RBMS3: variants seen among roughly 807,000 people sequenced by gnomAD.
RBMS3 encodes RNA-binding motif, single-stranded-interacting protein 3.
Under a neutral mutation model 66.8 loss-of-function variants are expected in RBMS3, and 27 were observed. The observed-to-expected ratio is 0.40, with a 90% CI of 0.30 to 0.56. RBMS3 has a LOEUF of 0.56. Among genes scored for constraint, RBMS3 ranks in the 20% least tolerant of loss-of-function variants. RBMS3 has a pLI of 0.40. For synonymous variants in RBMS3, 188 were observed against 183.0 expected, an observed-to-expected ratio of 1.03 and a Z score of -0.22; for missense variants, 513 against 549.5, an observed-to-expected ratio of 0.93 and a Z score of 0.66.
At chr3:29,909,965 G>T (rs1005685208) in intron 10 of RBMS3, among the ~76,000 whole-genome samples, 4 of 152,044 alleles carry the variant, frequency 2.6e-5, no homozygotes, top group Non-Finnish European at 5.9e-5. Flanking sequence ...AATCATACAT[G>T]ATCTCCAGTG....
intron 6 of RBMS3, among the ~76,000 whole-genome samples, chr3:29,836,799 A>T (rs186580355): frequency 4.6e-5 from 7 of 151,474 alleles, no homozygotes; most frequent in African/African-American, 1.5e-4. Context: ...ATATATATAT[A>T]TATCTGAAAA....
intron 1 of RBMS3, among the ~76,000 whole-genome samples, chr3:29,293,066 C>G (rs1247170339): frequency 1.3e-5 from 2 of 151,748 alleles, no homozygotes; most frequent in African/African-American, 4.8e-5. Context: ...CCAGCATTTG[C>G]TTTTGTTGTT....
At chr3:29,455,278 G>A (rs928700094) in intron 2 of RBMS3, among the ~76,000 whole-genome samples, 1 of 152,144 alleles carries the variant, frequency 6.6e-6, no homozygotes, top group Non-Finnish European at 1.5e-5. Context: ...AGCAGGAATT[G>A]TCTTATCCTT....
chr3:29,546,995 G>A (rs1220252486), intron 3 of RBMS3, among the ~76,000 whole-genome samples: 1 of 151,988 alleles, frequency 6.6e-6, no homozygotes, highest in Non-Finnish European at 1.5e-5. Flanking sequence ...GTATTTTTTA[G>A]AGACAGGGTC....
At chr3:29,393,817 A>G (rs1162332181) in intron 1 of RBMS3, among the ~76,000 whole-genome samples, 1 of 152,052 alleles carries the variant, frequency 6.6e-6, no homozygotes, top group Non-Finnish European at 1.5e-5. Flanking sequence ...GCAAGTTTTT[A>G]TTAGGGATTT....
rs1213359743 is a variant in RBMS3 at position 29,686,395 on chromosome 3, A to G, written c.400-53325A>G. Among the ~76,000 whole-genome samples, 5 of 152,218 alleles carry G rather than the reference A, an allele frequency of 3.3e-5. No individual in the cohort carries two copies. The East Asian group carries it at 9.6e-4, about 29-fold the overall frequency. On this transcript the variant is annotated intron_variant, in intron 4 of 14. Coordinates refer to ENST00000383767, the MANE Select transcript of RBMS3 (RefSeq NM_001003793.3). ...ATGGACAGTTCTGATATTTTAAACA[A>G]AAAATAGGCCGGGCATGGTGGCTCA... is the stretch of plus-strand genomic sequence containing the variant.
rs1269589203 is a variant in RBMS3 at position 29,328,457 on chromosome 3, C to T, written c.75+46701C>T. Among the ~76,000 whole-genome samples, 3 of 152,120 alleles carry T rather than the reference C, an allele frequency of 2.0e-5. No homozygotes were observed. The East Asian group carries it at 5.8e-4, about 29-fold the overall frequency. On this transcript the variant is annotated intron_variant, in intron 1 of 14. Transcript: ENST00000383767. ...CTTTCAATTCCACCATCCCTACCACCCACCCAACCCTTCATCCCAGAATTA... is the reference window on the plus strand; with the variant it reads ...CTTTCAATTCCACCATCCCTACCACTCACCCAACCCTTCATCCCAGAATTA...
intron 12 of RBMS3, among the ~76,000 whole-genome samples, chr3:29,947,296 G>C (rs1187772954): frequency 1.3e-5 from 2 of 151,566 alleles, no homozygotes; most frequent in South Asian, 2.1e-4. Context: ...CTAATGAAGT[G>C]GGGGTATCTT....
intron 10 of RBMS3, among the ~76,000 whole-genome samples, chr3:29,924,345 G>A (rs551184640): frequency 1.3e-5 from 2 of 152,208 alleles, no homozygotes; most frequent in East Asian, 1.9e-4. Flanking sequence ...CAGCAAAAGG[G>A]TGTAGGAAAT....
chr3:29,575,141 T>A (rs1023848449), intron 3 of RBMS3, among the ~76,000 whole-genome samples: 2 of 152,178 alleles, frequency 1.3e-5, no homozygotes, highest in Non-Finnish European at 2.9e-5. Context: ...TTCTTTCAGA[T>A]TGAAGAACAC....
rs545243731 is a variant in RBMS3 at position 29,887,987 on chromosome 3, A to G, written c.791+3779A>G. On this transcript the variant is annotated intron_variant, in intron 8 of 14. Transcript: ENST00000383767. Reference sequence around the variant, plus strand: ...ATTTTCAAGGCAGTGAGGACAGCCTAGAACACAGTGAGCATTTCTCTTTTT... The same window carrying G: ...ATTTTCAAGGCAGTGAGGACAGCCTGGAACACAGTGAGCATTTCTCTTTTT... 4.3e-4 allele frequency among the ~76,000 whole-genome samples: 65 copies of G among 151,934 alleles called. 1 individual carries two copies. In the South Asian group the frequency reaches 0.013, roughly 31 times the overall value.
At chr3:29,828,162 C>A (rs1175655911) in intron 6 of RBMS3, among the ~76,000 whole-genome samples, 1 of 152,070 alleles carries the variant, frequency 6.6e-6, no homozygotes, top group African/African-American at 2.4e-5. Context: ...ATTAGCCGTG[C>A]TGTCCTGGAA....
intron 12 of RBMS3, among the ~76,000 whole-genome samples, chr3:29,967,222 G>A (rs911532629): frequency 2.6e-5 from 4 of 152,220 alleles, no homozygotes; most frequent in Admixed American, 2.0e-4. Context: ...GAATTAGGGA[G>A]GTTCCTTCTT....
At chr3:29,577,928 T>TC (rs1449243548) in intron 3 of RBMS3, among the ~76,000 whole-genome samples, 10 of 152,332 alleles carry the variant, frequency 6.6e-5, no homozygotes, top group African/African-American at 2.2e-4. Context: ...TGTGTGCAGA[T>TC]AGTTGCTAAA....
At chr3:29,726,472 C>G (rs910721688) in intron 4 of RBMS3, among the ~76,000 whole-genome samples, 2 of 152,176 alleles carry the variant, frequency 1.3e-5, no homozygotes, top group Non-Finnish European at 2.9e-5. Context: ...ATTGTCTCAG[C>G]GCAAAAACTC....
intron 6 of RBMS3, among the ~76,000 whole-genome samples, chr3:29,846,880 A>G (rs1479620049): frequency 2.6e-5 from 4 of 152,246 alleles, no homozygotes; most frequent in Non-Finnish European, 5.9e-5. Context: ...TGTTTTAAAA[A>G]GAACTATGTT....
Position 29,890,471 on chromosome 3 carries a change from A to G in RBMS3, c.791+6263A>G, listed in dbSNP as rs146489608. Among the ~76,000 whole-genome samples, 1,179 of 151,784 alleles carry G rather than the reference A, an allele frequency of 7.8e-3. 18 individuals are homozygous for G. The highest frequency in any genetic ancestry group is 0.027 in the African/African-American group (1,129 of 41,478). On this transcript the variant is annotated intron_variant, in intron 8 of 14. Coordinates refer to ENST00000383767, the MANE Select transcript of RBMS3 (RefSeq NM_001003793.3). ...AGAGAAGAGCCTGGTCCCATTTTAC[A>G]TAGAACACAGGGTATCCAAAGATGT...
rs1226422715 is a variant in RBMS3 at position 30,006,192 on chromosome 3, T to C, written c.*2330T>C. 1.3e-5 allele frequency: 2 copies of C among 151,928 alleles called. No homozygotes were observed. The highest frequency in any genetic ancestry group is 6.6e-5 in the Admixed American group (1 of 15,234). 9.4% of individuals were successfully genotyped at this position (151,928 alleles called of 1,614,324 possible). On this transcript the variant is annotated 3_prime_UTR_variant, in exon 15 of 15. Transcript: ENST00000383767. The stretch of plus-strand genomic sequence containing the variant: ...AGCAGGGAAATGTATTTAAGTGTAC[T>C]ATAAAACAGGGTAGGCTTTTTAAAA...
intron 1 of RBMS3, among the ~76,000 whole-genome samples, chr3:29,394,176 C>T (rs1383454806): frequency 1.3e-5 from 2 of 152,184 alleles, no homozygotes; most frequent in Admixed American, 6.5e-5. Flanking sequence ...AGACTGCCCC[C>T]TGGGAATGCA....
Sources: gnomAD v4.1 joint callset for allele counts (sites outside exome capture counted in the v4.1 genomes callset) on GRCh38, gnomAD v4.1.1 for gene constraint, MANE v1.5 for transcripts, NCBI Gene and HGNC (gene_info 2026-07-23, HGNC 2026-07-21) for gene names.